Variants in ADAMTS19 observed in about 807,000 individuals in gnomAD.
The protein encoded by ADAMTS19 is ADAM metallopeptidase with thrombospondin type 1 motif 19, also known as A disintegrin and metalloproteinase with thrombospondin motifs 19.
Under a neutral mutation model 153.3 loss-of-function variants are expected in ADAMTS19, and 93 were observed. The observed-to-expected ratio is 0.61, with a 90% CI of 0.51 to 0.72. The LOEUF is 0.72. Among genes scored for constraint, ADAMTS19 ranks in the 30% least tolerant of loss-of-function variants. ADAMTS19 has a pLI of 0.00. For synonymous variants in ADAMTS19, 600 were observed against 556.6 expected (o/e 1.08, Z -1.10); for missense variants, 1,482 against 1,552.1 (o/e 0.95, Z 0.76).
chr5:129,598,179 G>T lies in ADAMTS19; in HGVS notation c.1478+1515G>T, dbSNP rs74886648. Among the ~76,000 whole-genome samples, 702 of 152,216 alleles carry T rather than the reference G, an allele frequency of 4.6e-3. 6 individuals are homozygous for T. The highest frequency in any genetic ancestry group is 0.015 in the African/African-American group (641 of 41,532). ...TAAATTTGACATAAAAGTAAGATTT[G>T]CAGACCTGGTAACACTCAACCCACA... On this transcript the variant is annotated intron_variant, in intron 8 of 22. Transcript: ENST00000274487.
intron 2 of ADAMTS19, among the ~76,000 whole-genome samples, chr5:129,471,781 CA>C (rs1750077746): frequency 6.6e-6 from 1 of 152,178 alleles, no homozygotes; most frequent in Admixed American, 6.5e-5. Flanking sequence ...ATTTAGCTCC[CA>C]CTTAAAAGTG....
intron 20 of ADAMTS19, among the ~76,000 whole-genome samples, chr5:129,703,330 G>A (rs891805088): frequency 7.9e-5 from 12 of 151,862 alleles, no homozygotes; most frequent in East Asian, 3.9e-4. Flanking sequence ...ACCCTCATCC[G>A]TTATACATCT....
intron 9 of ADAMTS19, among the ~76,000 whole-genome samples, chr5:129,621,221 G>C (rs530691588): frequency 6.6e-6 from 1 of 152,086 alleles, no homozygotes; most frequent in Non-Finnish European, 1.5e-5. Context: ...TCCATGTTCA[G>C]TGGCAGTAAC....
At chr5:129,682,162 ATG>A (rs1436862600) in intron 17 of ADAMTS19, among the ~76,000 whole-genome samples, 1 of 152,220 alleles carries the variant, frequency 6.6e-6, no homozygotes, top group African/African-American at 2.4e-5. Context: ...TCCTGGAAGC[ATG>A]AAGCATAATT....
chr5:129,552,529 TATATAA>T (rs1372742022), intron 7 of ADAMTS19, among the ~76,000 whole-genome samples: 1 of 151,372 alleles, frequency 6.6e-6, no homozygotes, highest in Non-Finnish European at 1.5e-5. Context: ...CCAGTCTTTA[TATATAA>T]ATATATATAT....
intron 3 of ADAMTS19, among the ~76,000 whole-genome samples, chr5:129,516,333 C>T (rs1751606107): frequency 7.1e-6 from 1 of 139,958 alleles, no homozygotes; most frequent in African/African-American, 2.7e-5. Flanking sequence ...TGGAAGTATT[C>T]CCTCCTCTTA....
intron 17 of ADAMTS19, among the ~76,000 whole-genome samples, chr5:129,683,733 C>T (rs1377136285): frequency 6.6e-6 from 1 of 151,476 alleles, no homozygotes; most frequent in Non-Finnish European, 1.5e-5. Context: ...TGATAGAACA[C>T]ATACTCCTGC....
intron 7 of ADAMTS19, among the ~76,000 whole-genome samples, chr5:129,558,667 C>T (rs1358238853): frequency 6.6e-6 from 1 of 151,920 alleles, no homozygotes; most frequent in Non-Finnish European, 1.5e-5. Flanking sequence ...TATAGAGGAA[C>T]ATAGGTCTGA....
chr5:129,514,511 G>A (rs1282876544), intron 3 of ADAMTS19, among the ~76,000 whole-genome samples: 1 of 152,106 alleles, frequency 6.6e-6, no homozygotes, highest in Admixed American at 6.6e-5. Context: ...TCTCATTGTA[G>A]TTTTGATGTG....
chr5:129,649,203 A>C (rs1753204835), intron 13 of ADAMTS19, among the ~76,000 whole-genome samples: 1 of 152,220 alleles, frequency 6.6e-6, no homozygotes, highest in Admixed American at 6.5e-5. Context: ...AGCAGTGACA[A>C]CACTAACTGC....
chr5:129,528,677 G>C lies in ADAMTS19; in HGVS notation c.1328G>C (p.Arg443Thr). Residue 443 changes from arginine (R) to threonine (T), a missense_variant and splice_region_variant, in exon 6 of 23, where the codon AGG becomes ACG. Arg to Thr is a moderately conservative substitution (Grantham distance 71). Transcript: ENST00000274487. ...TSVDAAILIT[R>T]KDFCVHKDEP... ...GTGGATGCAGCTATACTTATAACAA[G>C]GTAAATTTTCCAATGCCAATTAAAT... 6.3e-7 allele frequency: 1 copy of C among 1,579,040 alleles called. No individual in the cohort carries two copies. The highest frequency in any genetic ancestry group is 8.6e-7 in the Non-Finnish European group (1 of 1,165,526).
At chr5:129,679,066 T>C (rs1272584898) in intron 16 of ADAMTS19, among the ~76,000 whole-genome samples, 4 of 152,158 alleles carry the variant, frequency 2.6e-5, no homozygotes, top group African/African-American at 9.7e-5. Context: ...GTGTCACTAA[T>C]CTTATTTAAA....
intron 21 of ADAMTS19, among the ~76,000 whole-genome samples, chr5:129,712,795 AT>A (rs1756542097): frequency 6.6e-6 from 1 of 152,190 alleles, no homozygotes; most frequent in South Asian, 2.1e-4. Context: ...CCCTAAAAAA[AT>A]GTATACTTCA....
At chr5:129,696,813 A>AAGGAGTG (rs2127151917) in intron 19 of ADAMTS19, among the ~76,000 whole-genome samples, 1 of 152,244 alleles carries the variant, frequency 6.6e-6, no homozygotes, top group East Asian at 1.9e-4. Flanking sequence ...AATCAAGAGA[A>AAGGAGTG]AGGAGTGTCT....
At chr5:129,481,589 C>A (rs1205302801) in intron 2 of ADAMTS19, among the ~76,000 whole-genome samples, 2 of 152,250 alleles carry the variant, frequency 1.3e-5, no homozygotes, top group Non-Finnish European at 1.5e-5. Context: ...AACACTGTTA[C>A]ATTTCTTAAC....
chr5:129,471,446 A>G (rs1467688307), intron 2 of ADAMTS19, among the ~76,000 whole-genome samples: 41 of 123,390 alleles, frequency 3.3e-4, no homozygotes, highest in Admixed American at 7.6e-5. Context: ...GGAAAGAAAG[A>G]AAAAGAAGGA....
At chr5:129,537,052 A>C (rs138260961) in intron 6 of ADAMTS19, among the ~76,000 whole-genome samples, 3,885 of 150,484 alleles carry the variant, frequency 0.026, 171 homozygotes, top group African/African-American at 0.09. Flanking sequence ...TAAAACTTAA[A>C]TTATAATAAT....
intron 10 of ADAMTS19, among the ~76,000 whole-genome samples, chr5:129,625,339 T>C (rs1332603900): frequency 2.6e-5 from 4 of 152,216 alleles, no homozygotes; most frequent in African/African-American, 4.8e-5. Context: ...TATAATCCTT[T>C]AGGTATATAC....
intron 15 of ADAMTS19, among the ~76,000 whole-genome samples, chr5:129,659,674 A>C (rs547521651): frequency 1.6e-4 from 24 of 152,230 alleles, no homozygotes; most frequent in African/African-American, 5.3e-4. Context: ...TTAACCTCCC[A>C]TGCTCAAACA....
Sources: gnomAD v4.1 joint callset for allele counts (sites outside exome capture counted in the v4.1 genomes callset) on GRCh38, gnomAD v4.1.1 for gene constraint, MANE v1.5 for transcripts, NCBI Gene and HGNC (gene_info 2026-07-23, HGNC 2026-07-21) for gene names.